The following PAK5 variants were observed in gnomAD, a reference collection of about 807,000 sequenced individuals.
PAK5 encodes the protein serine/threonine-protein kinase PAK 5.
PAK5 carries 16 observed loss-of-function variants against 65.9 expected under a neutral mutation model. The ratio of observed to expected loss-of-function variants is 0.24; its 90% CI spans 0.16 to 0.37. The LOEUF is 0.37. PAK5 is among the 10% of genes least tolerant of loss of function. PAK5 has a pLI of 1.00. For synonymous variants in PAK5, 371 were observed against 354.9 expected, an observed-to-expected ratio of 1.05 and a Z score of -0.51; for missense variants, 785 against 903.9, an observed-to-expected ratio of 0.87 and a Z score of 1.69.
intron 1 of PAK5, among the ~76,000 whole-genome samples, chr20:9,728,206 G>C (rs1046555606): frequency 2.6e-5 from 4 of 152,106 alleles, no homozygotes; most frequent in African/African-American, 9.7e-5. Flanking sequence ...AAGACACCGA[G>C]ATGGTGCCAT....
intron 1 of PAK5, among the ~76,000 whole-genome samples, chr20:9,796,146 A>G (rs1227078769): frequency 6.6e-6 from 1 of 152,128 alleles, no homozygotes; most frequent in Non-Finnish European, 1.5e-5. Flanking sequence ...AACAGCTAAG[A>G]TCTCTAACCT....
At chr20:9,569,690 A>ATTTT (rs2045742665) in intron 4 of PAK5, among the ~76,000 whole-genome samples, 39 of 152,126 alleles carry the variant, frequency 2.6e-4, no homozygotes, top group African/African-American at 9.4e-4. Flanking sequence ...GATGCATAAG[A>ATTTT]AGGTAGTCAT....
intron 1 of PAK5, among the ~76,000 whole-genome samples, chr20:9,814,965 C>T (rs1461846724): frequency 6.6e-6 from 1 of 152,158 alleles, no homozygotes; most frequent in African/African-American, 2.4e-5. Context: ...GCACCTGCAC[C>T]TGCTTCTGTT....
Position 9,798,888 on chromosome 20 carries a change from T to A in PAK5, c.-162+39874A>T, listed in dbSNP as rs2049135642. ...GGGCCCCACCCCAGATCTACTAATA[T>A]CAGAATACCTGGGTATAGGACACAG... On this transcript the variant is annotated intron_variant, in intron 1 of 9. Transcript: ENST00000353224. Among the ~76,000 whole-genome samples, 3 of 152,196 alleles carry A rather than the reference T, an allele frequency of 2.0e-5. No individual in the cohort carries two copies. In the South Asian group the frequency reaches 6.2e-4, roughly 32 times the overall value.
At chr20:9,693,267 G>A (rs1349223285) in intron 2 of PAK5, among the ~76,000 whole-genome samples, 1 of 152,130 alleles carries the variant, frequency 6.6e-6, no homozygotes, top group Admixed American at 6.5e-5. Flanking sequence ...TAATCTAAGA[G>A]TGGGATAAGA....
intron 7 of PAK5, among the ~76,000 whole-genome samples, chr20:9,557,328 G>C (rs1361365746): frequency 3.3e-5 from 5 of 152,150 alleles, no homozygotes; most frequent in Non-Finnish European, 7.4e-5. Flanking sequence ...ACAAAAAACA[G>C]ATGTGGCAGA....
chr20:9,736,183 G>A (rs969406549), intron 1 of PAK5, among the ~76,000 whole-genome samples: 2 of 152,016 alleles, frequency 1.3e-5, no homozygotes, highest in Admixed American at 6.6e-5. Flanking sequence ...TTACAGGCAT[G>A]AGCAACTGCG....
intron 1 of PAK5, among the ~76,000 whole-genome samples, chr20:9,754,714 T>C (rs992439922): frequency 6.6e-6 from 1 of 152,208 alleles, no homozygotes; most frequent in Non-Finnish European, 1.5e-5. Context: ...ATTGTTATCA[T>C]GTTTCTTTCA....
At chr20:9,784,811 A>G (rs1176653704) in intron 1 of PAK5, among the ~76,000 whole-genome samples, 1 of 152,082 alleles carries the variant, frequency 6.6e-6, no homozygotes, top group Non-Finnish European at 1.5e-5. Flanking sequence ...AAAAAAAGAA[A>G]AAAAAAACAA....
At chr20:9,634,527 T>C (rs1034753868) in intron 3 of PAK5, among the ~76,000 whole-genome samples, 5 of 152,238 alleles carry the variant, frequency 3.3e-5, no homozygotes, top group African/African-American at 1.2e-4. Context: ...TAGTGGTTGA[T>C]GTAGTTTGTT....
rs1377954424 is a variant in PAK5, at chr20:9,662,382, T to C, written c.-11-18043A>G. Among the ~76,000 whole-genome samples, 4 of 152,146 alleles carry C rather than the reference T, an allele frequency of 2.6e-5. 1 individual carries two copies. Among genetic ancestry groups the C allele is most frequent in the Admixed American group, 2.0e-4 (3 of 15,266 alleles). On this transcript the variant is annotated intron_variant, in intron 2 of 9. Coordinates refer to ENST00000353224, the MANE Select transcript of PAK5 (RefSeq NM_177990.4). Reference sequence around the variant, plus strand: ...CTTCACAATGTTTATGGATTTCACATGCTCCCCTTTCTGTAATCTGGAACT... The same window carrying C: ...CTTCACAATGTTTATGGATTTCACACGCTCCCCTTTCTGTAATCTGGAACT...
At chr20:9,686,068 C>A (rs2047714666) in intron 2 of PAK5, among the ~76,000 whole-genome samples, 1 of 152,144 alleles carries the variant, frequency 6.6e-6, no homozygotes, top group South Asian at 2.1e-4. Flanking sequence ...ATTTTTAAAT[C>A]ATCTTTGTAG....
chr20:9,638,382 G>C (rs931908422), intron 3 of PAK5, among the ~76,000 whole-genome samples: 1 of 152,162 alleles, frequency 6.6e-6, no homozygotes, highest in Non-Finnish European at 1.5e-5. Context: ...CAAAAGTTTG[G>C]GCACACAAAC....
chr20:9,832,334 G>A (rs1454550295), intron 1 of PAK5, among the ~76,000 whole-genome samples: 1 of 151,916 alleles, frequency 6.6e-6, no homozygotes, highest in Admixed American at 6.6e-5. Flanking sequence ...GTGCAGTAAC[G>A]CGATCTCGGC....
At chr20:9,745,678 G>T (rs2048499121) in intron 1 of PAK5, among the ~76,000 whole-genome samples, 1 of 152,044 alleles carries the variant, frequency 6.6e-6, no homozygotes, top group Non-Finnish European at 1.5e-5. Context: ...TAGCTTTGTA[G>T]GTCTGGGGTA....
chr20:9,831,182 A>G (rs1402256738), intron 1 of PAK5, among the ~76,000 whole-genome samples: 2 of 152,222 alleles, frequency 1.3e-5, no homozygotes, highest in Non-Finnish European at 2.9e-5. Context: ...GACTAGCTTC[A>G]TCTGCTTCCA....
chr20:9,684,484 G>A (rs1486415819), intron 2 of PAK5, among the ~76,000 whole-genome samples: 7 of 152,186 alleles, frequency 4.6e-5, no homozygotes, highest in East Asian at 3.8e-4. Context: ...GTTTAGAAAC[G>A]TGCAGAAAAA....
At chr20:9,825,340 T>A (rs1222402256) in intron 1 of PAK5, among the ~76,000 whole-genome samples, 1 of 152,230 alleles carries the variant, frequency 6.6e-6, no homozygotes, top group Non-Finnish European at 1.5e-5. Context: ...GGTACAGTGA[T>A]ATTGTTATTC....
At chr20:9,807,018 C>CA (rs1229080347) in intron 1 of PAK5, among the ~76,000 whole-genome samples, 2 of 152,084 alleles carry the variant, frequency 1.3e-5, no homozygotes, top group Non-Finnish European at 2.9e-5. Flanking sequence ...CTTCAGAGCA[C>CA]ATCACTCCAA....
Sources: allele counts gnomAD v4.1 joint callset (sites outside exome capture counted in the v4.1 genomes callset), GRCh38; gene constraint gnomAD v4.1.1; transcripts MANE v1.5; gene names NCBI Gene and HGNC (gene_info 2026-07-23, HGNC 2026-07-21).